The following AHNAK2 variants were observed in gnomAD, a reference collection of about 807,000 sequenced individuals.
AHNAK2 encodes the protein protein AHNAK2.
Under a neutral mutation model 30.7 loss-of-function variants are expected in AHNAK2, and 18 were observed. That is an observed-to-expected ratio of 0.59 (90% CI 0.41 to 0.87). The LOEUF (loss-of-function observed/expected upper bound fraction) is 0.87, where lower values mean the gene tolerates loss of function less well. AHNAK2 is among the 40% of genes least tolerant of loss of function. The pLI, the probability that AHNAK2 is intolerant of heterozygous loss-of-function variation, is 0.00. For missense variants in AHNAK2, 8,604 were observed against 7,373.0 expected, an observed-to-expected ratio of 1.17 and a Z score of -6.11; for synonymous variants, 3,590 against 3,073.8, an observed-to-expected ratio of 1.17 and a Z score of -5.56.
chr14:104,952,554 ACCTC>A lies in AHNAK2; in HGVS notation c.2893_2896del (p.Glu965TrpfsTer26). ...CTTGGCCTTCTGGGCCTGGACATCCACCTCCATGCTGGGCAGAGACACCTCGCCA... is the reference window on the plus strand; with the variant it reads ...CTTGGCCTTCTGGGCCTGGACATCCACATGCTGGGCAGAGACACCTCGCCA... On this transcript the variant is annotated frameshift_variant, in exon 7 of 7. Transcript: ENST00000333244. LOFTEE classifies it low-confidence loss of function (END_TRUNC). The A allele has an allele frequency of 6.2e-7, 1 of 1,612,032 alleles. No individual in the cohort carries two copies. The highest frequency in any genetic ancestry group is 1.1e-5 in the South Asian group (1 of 91,004).
Position 104,946,950 on chromosome 14 carries a change from G to T in AHNAK2, c.8501C>A (p.Ala2834Asp), listed in dbSNP as rs200469922. Residue 2834 changes from alanine (A) to aspartate (D), a missense_variant, in exon 7 of 7, where the codon GCC becomes GAC. Physicochemically the swap from Ala to Asp is moderately radical, Grantham distance 126. Coordinates refer to ENST00000333244, the MANE Select transcript of AHNAK2 (RefSeq NM_138420.4). ...GVSAPGKSIEASVDVSELKVE... is the reference protein window; with the variant it reads ...GVSAPGKSIEDSVDVSELKVE... ...CTTCAGCTCAGACACATCCACCGAG[G>T]CCTCGATGGACTTGCCTGGGGCCGA... is the stretch of plus-strand genomic sequence containing the variant. The T allele has an allele frequency of 4.8e-5, 78 of 1,610,956 alleles. No individual in the cohort carries two copies. In the Admixed American group the frequency reaches 1.2e-3, roughly 25 times the overall value.
intron 1 of AHNAK2, among the ~76,000 whole-genome samples, chr14:104,977,694 C>G (rs920388158): frequency 6.6e-6 from 1 of 152,194 alleles, no homozygotes; most frequent in African/African-American, 2.4e-5. Flanking sequence ...TGCTCTCCCG[C>G]AAAGCAGGTG....
Position 104,955,472 on chromosome 14 carries a change from T to C in AHNAK2, c.466+11A>G, listed in dbSNP as rs1898943355. The stretch of plus-strand genomic sequence containing the variant: ...AGAATGGTGACCCCAGGGATGGAAC[T>C]GCCATGGCACCTTCTCTCAAGTTAA... On this transcript the variant is annotated intron_variant, in intron 5 of 6. Coordinates refer to ENST00000333244, the MANE Select transcript of AHNAK2 (RefSeq NM_138420.4). 1 of 1,610,094 alleles carries C rather than the reference T, an allele frequency of 6.2e-7. No homozygotes were observed. Among genetic ancestry groups the C allele is most frequent in the East Asian group, 2.2e-5 (1 of 44,830 alleles).
intron 1 of AHNAK2, among the ~76,000 whole-genome samples, chr14:104,968,372 G>A (rs1380165318): frequency 6.6e-6 from 1 of 152,158 alleles, no homozygotes; most frequent in Non-Finnish European, 1.5e-5. Flanking sequence ...CAGGCAGTGT[G>A]TCTGGGGGAC....
chr14:104,962,645 A>T (rs113477669), intron 1 of AHNAK2, among the ~76,000 whole-genome samples: 12,744 of 151,614 alleles, frequency 0.084, 737 homozygotes, highest in South Asian at 0.23. Flanking sequence ...CATGTTGCCC[A>T]GGCTGGTCTT....
rs767704152 is a variant in AHNAK2 at position 104,954,490 on chromosome 14, G to A, written c.961C>T (p.Arg321Trp). 48 of 1,612,304 alleles carry A rather than the reference G, an allele frequency of 3.0e-5. No individual in the cohort carries two copies. The highest frequency in any genetic ancestry group is 4.5e-5 in the East Asian group (2 of 44,840). ...CTGAATCTGAGGTTGAGGAACTTCCGCCTCCTCTGGCTGCCCGGCCCTGCC... is the reference window on the plus strand; with the variant it reads ...CTGAATCTGAGGTTGAGGAACTTCCACCTCCTCTGGCTGCCCGGCCCTGCC... ...QKAGPGSQRR[R>W]KFLNLRFRTG... The change falls in exon 7 of 7, where the codon CGG becomes TGG. Residue 321 changes from arginine (R) to tryptophan (W), a missense_variant. Physicochemically the swap from Arg to Trp is moderately radical, Grantham distance 101. Coordinates refer to ENST00000333244, the MANE Select transcript of AHNAK2 (RefSeq NM_138420.4). The surrounding 1 kb of genome is among the most constrained non-coding windows in gnomAD (Gnocchi z 4.3).
chr14:104,942,976 AC>A lies in AHNAK2; in HGVS notation c.12474del (p.Ser4159LeufsTer3), dbSNP rs974912218. 1 of 1,612,822 alleles carries A rather than the reference AC, an allele frequency of 6.2e-7. No individual in the cohort carries two copies. The highest frequency in any genetic ancestry group is 1.3e-5 in the African/African-American group (1 of 74,698). ...PGKSMEASVD[V>X]SELKAKADVS... Reference sequence around the variant, plus strand: ...ACGTCGGCTTTCGCCTTCAGCTCAGACACATCCACGGACGCCTCCATGGACT... The same window carrying A: ...ACGTCGGCTTTCGCCTTCAGCTCAGAACATCCACGGACGCCTCCATGGACT... On this transcript the variant is annotated frameshift_variant, in exon 7 of 7. Transcript: ENST00000333244. LOFTEE classifies it low-confidence loss of function (END_TRUNC).
At position 104,945,323 on chromosome 14, in the gene AHNAK2, G is replaced by A. The variant is rs776005509; in HGVS notation, c.10128C>T (p.Leu3376=). The A allele has an allele frequency of 1.7e-5, 28 of 1,612,820 alleles. No individual in the cohort carries two copies. The East Asian group carries it at 5.4e-4, about 31-fold the overall frequency. ...CTCCCTCGGGCACGTGGCCCTCCGG[G>A]AGCTTCACGTCCACCTGGCCAGCCT... is the stretch of plus-strand genomic sequence containing the variant. The part of the protein sequence containing the change: ...EVQAGQVDVK[L]PEGHVPEGAG... Residue 3376 remains leucine (L), a synonymous_variant, in exon 7 of 7, where the codon CTC becomes CTT. Transcript: ENST00000333244.
In AHNAK2 at chr14:104,945,326, C is replaced by T. The variant is rs368657492; in HGVS notation, c.10125G>A (p.Lys3375=). Residue 3375 remains lysine, a synonymous_variant, in exon 7 of 7, where the codon AAG becomes AAA. Transcript: ENST00000333244. ...LEVQAGQVDV[K]LPEGHVPEGA... ...CCTCGGGCACGTGGCCCTCCGGGAG[C>T]TTCACGTCCACCTGGCCAGCCTGGA... The T allele has an allele frequency of 8.7e-6, 14 of 1,612,324 alleles. No individual in the cohort carries two copies. In the Admixed American group the frequency reaches 1.0e-4, roughly 12 times the overall value.
Position 104,947,021 on chromosome 14 carries a change from G to A in AHNAK2, c.8430C>T (p.Asp2810=), listed in dbSNP as rs375641118. 3.7e-4 allele frequency: 590 copies of A among 1,609,368 alleles called. 19 individuals are homozygous for A. In the African/African-American group the frequency reaches 5.9e-3, roughly 16 times the overall value. The stretch of plus-strand genomic sequence containing the variant: ...TGAACTTGGGCATTTTGAACTTGCT[G>A]TCTTTGGCTGTCATGCCCTTGTCGG... ...SLADKGMTAK[D]SKFKMPKFKM... Residue 2810 remains aspartate, a synonymous_variant, in exon 7 of 7, where the codon GAC becomes GAT. Coordinates refer to ENST00000333244, the MANE Select transcript of AHNAK2 (RefSeq NM_138420.4).
At position 104,948,089 on chromosome 14, in the gene AHNAK2, C is replaced by T; in HGVS notation, c.7362G>A (p.Glu2454=). 1 of 1,612,926 alleles carries T rather than the reference C, an allele frequency of 6.2e-7. No homozygotes were observed. The highest frequency in any genetic ancestry group is 8.5e-7 in the Non-Finnish European group (1 of 1,179,740). Residue 2454 remains glutamate, a synonymous_variant, in exon 7 of 7, where the codon GAG becomes GAA. Coordinates refer to ENST00000333244, the MANE Select transcript of AHNAK2 (RefSeq NM_138420.4). Reference sequence around the variant, plus strand: ...CACCATCCAGCTTGGCTCCCGGGGCCTCGACATCCACCTCCACGCTGGGCT... The same window carrying T: ...CACCATCCAGCTTGGCTCCCGGGGCTTCGACATCCACCTCCACGCTGGGCT... The part of the protein sequence containing the change: ...VSQPSVEVDV[E]APGAKLDGAW...
rs1341987475 is a variant in AHNAK2, at chr14:104,938,762, A to G, written c.16689T>C (p.Ser5563=). Residue 5563 remains serine (S), a synonymous_variant, in exon 7 of 7, where the codon TCT becomes TCC. Transcript: ENST00000333244. ...CTCCAGTGTCAGGCTGGAGATCTCCAGAAATGGAGTCTACTCCTGGGGTGG... is the reference window on the plus strand; with the variant it reads ...CTCCAGTGTCAGGCTGGAGATCTCCGGAAATGGAGTCTACTCCTGGGGTGG... ...IQATPGVDSI[S]GDLQPDTGEP... 1 of 1,613,938 alleles carries G rather than the reference A, an allele frequency of 6.2e-7. No homozygotes were observed. The highest frequency in any genetic ancestry group is 1.1e-5 in the South Asian group (1 of 91,072).
chr14:104,938,385 T>C lies in AHNAK2; in HGVS notation c.17066A>G (p.Lys5689Arg). ...GAACCAGCCTGCCTTCTCCTGTTTT[T>C]TAGGCAGTTCTGCCTCTGGTCGTGC... ...PEARPEAELP[K>R]KQEKAGWFRF... is the part of the protein sequence containing the mutation. The change falls in exon 7 of 7, where the codon AAA becomes AGA. Residue 5689 changes from lysine to arginine, a missense_variant. Lys to Arg is a conservative substitution (Grantham distance 26). Coordinates refer to ENST00000333244, the MANE Select transcript of AHNAK2 (RefSeq NM_138420.4). 1 of 1,614,004 alleles carries C rather than the reference T, an allele frequency of 6.2e-7. No homozygotes were observed. The highest frequency in any genetic ancestry group is 8.5e-7 in the Non-Finnish European group (1 of 1,179,896).
chr14:104,967,988 G>A (rs1899354504), intron 1 of AHNAK2, among the ~76,000 whole-genome samples: 1 of 152,228 alleles, frequency 6.6e-6, no homozygotes, highest in Non-Finnish European at 1.5e-5. Flanking sequence ...CTCTGCAAGT[G>A]GCCCCATCAC....
rs1256674766 is a variant in AHNAK2, at chr14:104,978,077, C to A, written c.55+106G>T. 3.1e-6 allele frequency: 3 copies of A among 964,980 alleles called. No homozygotes were observed. In the African/African-American group the frequency reaches 5.2e-5, roughly 17 times the overall value. 59.8% of individuals were successfully genotyped at this position (964,980 alleles called of 1,614,324 possible). On this transcript the variant is annotated intron_variant, in intron 1 of 6. Coordinates refer to ENST00000333244, the MANE Select transcript of AHNAK2 (RefSeq NM_138420.4). ...GTCCCGCAGGCGTCTCCGAGTCCCC[C>A]GCCCCCAAGGCCCGCACTGCGCGCC...
chr14:104,937,930 T>G lies in AHNAK2; in HGVS notation c.*133A>C, dbSNP rs935377497. 2 of 970,088 alleles carry G rather than the reference T, an allele frequency of 2.1e-6. No individual in the cohort carries two copies. The highest frequency in any genetic ancestry group is 3.0e-6 in the Non-Finnish European group (2 of 669,318). 60.1% of individuals were successfully genotyped at this position (970,088 alleles called of 1,614,324 possible). Reference sequence around the variant, plus strand: ...TGGTGACAAAGGTGTTCTGGTCATTTCTGCTCTGTTCTCCGTTCTGTGAAG... The same window carrying G: ...TGGTGACAAAGGTGTTCTGGTCATTGCTGCTCTGTTCTCCGTTCTGTGAAG... On this transcript the variant is annotated 3_prime_UTR_variant, in exon 7 of 7. Coordinates refer to ENST00000333244, the MANE Select transcript of AHNAK2 (RefSeq NM_138420.4).
At chr14:104,968,011 ACT>A (rs1272378106) in intron 1 of AHNAK2, among the ~76,000 whole-genome samples, 1 of 152,086 alleles carries the variant, frequency 6.6e-6, no homozygotes, top group Non-Finnish European at 1.5e-5. Context: ...GAATCATGAC[ACT>A]GTTTGTTGAC....
chr14:104,953,693 C>T lies in AHNAK2; in HGVS notation c.1758G>A (p.Lys586=). The change falls in exon 7 of 7, where the codon AAG becomes AAA. Residue 586 remains lysine, a synonymous_variant. Transcript: ENST00000333244. Reference sequence around the variant, plus strand: ...TTGGCGACCATCCTAAGGAGGGTATCTTGAACTTGGGCATTCTTATCTGTC... The same window carrying T: ...TTGGCGACCATCCTAAGGAGGGTATTTTGAACTTGGGCATTCTTATCTGTC... ...TEGQIRMPKF[K]IPSLGWSPSK... The T allele has an allele frequency of 6.2e-7, 1 of 1,613,936 alleles. No individual in the cohort carries two copies. The highest frequency in any genetic ancestry group is 8.5e-7 in the Non-Finnish European group (1 of 1,179,880).
chr14:104,972,208 C>A (rs1205333519), intron 1 of AHNAK2, among the ~76,000 whole-genome samples: 1 of 152,232 alleles, frequency 6.6e-6, no homozygotes, highest in Non-Finnish European at 1.5e-5. Context: ...TGGGCCTCCC[C>A]CCATTGCAAT....
Sources: gnomAD v4.1 joint callset for allele counts (sites outside exome capture counted in the v4.1 genomes callset) on GRCh38, gnomAD v4.1.1 for gene constraint, Gnocchi (gnomAD v3.1) non-coding constraint, MANE v1.5 for transcripts, NCBI Gene and HGNC (gene_info 2026-07-23, HGNC 2026-07-21) for gene names.